Variants in OR8K3 observed in about 807,000 individuals in gnomAD.
OR8K3 encodes olfactory receptor family 8 subfamily K member 3 (gene/pseudogene).
For synonymous variants in OR8K3, 167 were observed against 138.8 expected, an observed-to-expected ratio of 1.20 and a Z score of -1.43; for missense variants, 448 against 367.4, an observed-to-expected ratio of 1.22 and a Z score of -1.79.
chr11:56,318,526 T>C lies in OR8K3; in HGVS notation c.220T>C (p.Ser74Pro), dbSNP rs1854476429. The C allele has an allele frequency of 1.9e-6, 3 of 1,613,830 alleles. No homozygotes were observed. The African/African-American group carries it at 4.0e-5, about 22-fold the overall frequency. The change falls in exon 3 of 3, where the codon TCA becomes CCA. Residue 74 changes from serine to proline, a missense_variant. Physicochemically the swap from Ser to Pro is moderately conservative, Grantham distance 74. Transcript: ENST00000641662. ...RHLAFMDLGYSTTVGPKMLVN... is the reference protein window; with the variant it reads ...RHLAFMDLGYPTTVGPKMLVN... ...TCTGGCTTTCATGGATCTTGGTTAT[T>C]CAACAACTGTGGGACCCAAAATGTT...
intron 2 of OR8K3, among the ~76,000 whole-genome samples, chr11:56,317,551 A>G (rs1217055853): frequency 6.6e-6 from 1 of 152,108 alleles, no homozygotes; most frequent in African/African-American, 2.4e-5. Context: ...TCTCAGCTGT[A>G]CCACCCGAAG....
chr11:56,318,691 C>A lies in OR8K3; in HGVS notation c.385C>A (p.Pro129Thr). Residue 129 changes from proline (P) to threonine (T), a missense_variant, in exon 3 of 3, where the codon CCT becomes ACT. Pro to Thr is a conservative substitution (Grantham distance 38). Transcript: ENST00000641662. ...CGACCTCTATGTGGCCATCTGTAAC[C>A]CTCTGCTATACACAGTAATCATGTC... ...SYDLYVAICN[P>T]LLYTVIMSRR... The A allele has an allele frequency of 1.2e-6, 2 of 1,613,896 alleles. No homozygotes were observed. Among genetic ancestry groups the A allele is most frequent in the Non-Finnish European group, 1.7e-6 (2 of 1,179,866 alleles).
intron 2 of OR8K3, among the ~76,000 whole-genome samples, chr11:56,317,948 G>T (rs1854466844): frequency 6.6e-6 from 1 of 152,026 alleles, no homozygotes; most frequent in South Asian, 2.1e-4. Context: ...GTTGGGTATT[G>T]CGATGGGCTG....
At chr11:56,318,181 C>T in intron 2 of OR8K3, 103 bp from the exon 3 acceptor site, 2 of 587,032 alleles carry the variant, frequency 3.4e-6, no homozygotes, top group East Asian at 5.5e-5. Context: ...TCAAATGTCG[C>T]AAATTGTGAA....
At chr11:56,316,369 T>C (rs1026925427) in intron 2 of OR8K3, among the ~76,000 whole-genome samples, 1 of 151,944 alleles carries the variant, frequency 6.6e-6, no homozygotes, top group African/African-American at 2.4e-5. Flanking sequence ...GCTGTCACTA[T>C]AATTTTCATT....
chr11:56,319,024 T>C lies in OR8K3; in HGVS notation c.718T>C (p.Cys240Arg). 1 of 1,614,178 alleles carries C rather than the reference T, an allele frequency of 6.2e-7. No individual in the cohort carries two copies. The highest frequency in any genetic ancestry group is 8.5e-7 in the Non-Finnish European group (1 of 1,180,004). ...SAGRQKAFSTCGAHLTVVIVF... is the reference protein window; with the variant it reads ...SAGRQKAFSTRGAHLTVVIVF... ...TGGCAGACAAAAGGCTTTTTCTACC[T>C]GTGGAGCCCACCTGACAGTGGTCAT... is the stretch of plus-strand genomic sequence containing the variant. The change falls in exon 3 of 3, where the codon TGT (cysteine) becomes CGT (arginine). Residue 240 changes from cysteine (C) to arginine (R), a missense_variant. Physicochemically the swap from Cys to Arg is radical, Grantham distance 180 (BLOSUM62 -3). Coordinates refer to ENST00000641662, the MANE Select transcript of OR8K3 (RefSeq NM_001005202.2).
rs905125363 is a variant in OR8K3, at chr11:56,318,549, G to A, written c.243G>A (p.Met81Ile). 3.7e-6 allele frequency: 6 copies of A among 1,613,032 alleles called. No homozygotes were observed. The highest frequency in any genetic ancestry group is 1.1e-5 in the South Asian group (1 of 90,984). The change falls in exon 3 of 3, where the codon ATG (methionine) becomes ATA (isoleucine). Residue 81 changes from methionine to isoleucine, a missense_variant. Physicochemically the swap from Met to Ile is conservative, Grantham distance 10. Transcript: ENST00000641662. ...LGYSTTVGPK[M>I]LVNFVVDKNI... ...ATTCAACAACTGTGGGACCCAAAAT[G>A]TTAGTAAATTTTGTTGTGGATAAGA...
chr11:56,318,258 A>G, intron 2 of OR8K3, 26 bp from the exon 3 acceptor site: 5 of 1,336,506 alleles, frequency 3.7e-6, no homozygotes, highest in Non-Finnish European at 5.3e-6. Context: ...GAGGAAAGCT[A>G]TTGACAATGC....
In OR8K3 at chr11:56,318,909, C is replaced by T. The variant is rs759558721; in HGVS notation, c.603C>T (p.Ile201=). 4.3e-6 allele frequency: 7 copies of T among 1,613,902 alleles called. No homozygotes were observed. In the South Asian group the frequency reaches 6.6e-5, roughly 15 times the overall value. Residue 201 remains isoleucine (I), a synonymous_variant, in exon 3 of 3, where the codon ATC becomes ATT. Transcript: ENST00000641662. ...NTHEIELIIL[I]FAAIDLISSL... Reference sequence around the variant, plus strand: ...ATGAAATTGAATTGATAATTCTGATCTTTGCAGCTATTGATTTGATTTCAT... The same window carrying T: ...ATGAAATTGAATTGATAATTCTGATTTTTGCAGCTATTGATTTGATTTCAT...
In OR8K3 at chr11:56,319,092, G is replaced by C. The variant is rs768064274; in HGVS notation, c.786G>C (p.Lys262Asn). 1.9e-6 allele frequency: 3 copies of C among 1,613,944 alleles called. No individual in the cohort carries two copies. Residue 262 changes from lysine (K) to asparagine (N), a missense_variant, in exon 3 of 3, where the codon AAG becomes AAC. Lys to Asn is a moderately conservative substitution (Grantham distance 94). Transcript: ENST00000641662. The stretch of plus-strand genomic sequence containing the variant: ...TGCTTTTCATGTACGTGCAGCCCAA[G>C]TCCAGTCATTCCTTTGACACTGATA... ...GTLLFMYVQP[K>N]SSHSFDTDKV...
Position 56,319,002 on chromosome 11 carries a change from C to T in OR8K3, c.696C>T (p.Gly232=), listed in dbSNP as rs775040240. 1.2e-6 allele frequency: 2 copies of T among 1,614,084 alleles called. No homozygotes were observed. The highest frequency in any genetic ancestry group is 1.1e-5 in the South Asian group (1 of 91,078). The change falls in exon 3 of 3, where the codon GGC becomes GGT. Residue 232 remains glycine (G), a synonymous_variant. Transcript: ENST00000641662. ...CCATTCTCAGGATGAATTCTGCTGG[C>T]AGACAAAAGGCTTTTTCTACCTGTG... The part of the protein sequence containing the change: ...LVAILRMNSA[G]RQKAFSTCGA...
intron 2 of OR8K3, among the ~76,000 whole-genome samples, chr11:56,316,716 A>G (rs970750261): frequency 3.2e-4 from 49 of 151,856 alleles, no homozygotes; most frequent in African/African-American, 1.2e-3. Context: ...CATTTCTTTA[A>G]TCTACAGTAT....
Position 56,320,062 on chromosome 11 carries a change from T to G in OR8K3, c.*817T>G, listed in dbSNP as rs1552142. The G allele has an allele frequency of 0.11, 16,005 of 152,204 alleles. 1,004 individuals are homozygous for G. Among genetic ancestry groups the G allele is most frequent in the East Asian group, 0.14 (730 of 5,174 alleles). 9.4% of individuals were successfully genotyped at this position (152,204 alleles called of 1,614,324 possible). A position where few individuals can be genotyped will look rare whatever the true frequency, so the allele number is the denominator to read the frequency against. The stretch of plus-strand genomic sequence containing the variant: ...TTTTCACAGATTTTCCCGTTATTTA[T>G]CTAAAAAAAAGTAATAAACTGTGGT... On this transcript the variant is annotated 3_prime_UTR_variant, in exon 3 of 3. Coordinates refer to ENST00000641662, the MANE Select transcript of OR8K3 (RefSeq NM_001005202.2).
In OR8K3 at chr11:56,319,283, G is replaced by A. The variant is rs115508629; in HGVS notation, c.*38G>A. On this transcript the variant is annotated 3_prime_UTR_variant, in exon 3 of 3. Coordinates refer to ENST00000641662, the MANE Select transcript of OR8K3 (RefSeq NM_001005202.2). ...ATGATTCCTATAAATTAGGTTATGGGCATGAATTTTTGCTCTGCATACTTC... is the reference window on the plus strand; with the variant it reads ...ATGATTCCTATAAATTAGGTTATGGACATGAATTTTTGCTCTGCATACTTC... 1,068 of 1,228,342 alleles carry A rather than the reference G, an allele frequency of 8.7e-4. 4 individuals are homozygous for A. The African/African-American group carries it at 0.014, about 16-fold the overall frequency. 76.1% of individuals were successfully genotyped at this position (1,228,342 alleles called of 1,614,324 possible).
Position 56,316,555 on chromosome 11 carries a change from T to G in OR8K3, c.-24+498T>G, listed in dbSNP as rs997696087. Reference sequence around the variant, plus strand: ...TATATTTATTCGATTATACATATGTTAATTTGTATTATGTGCTATACCATA... The same window carrying G: ...TATATTTATTCGATTATACATATGTGAATTTGTATTATGTGCTATACCATA... On this transcript the variant is annotated intron_variant, in intron 2 of 2. Transcript: ENST00000641662. Among the ~76,000 whole-genome samples, 3 of 152,166 alleles carry G rather than the reference T, an allele frequency of 2.0e-5. No individual in the cohort carries two copies. The South Asian group carries it at 6.2e-4, about 32-fold the overall frequency.
rs767601338 is a variant in OR8K3 at position 56,318,996 on chromosome 11, T to G, written c.690T>G (p.Ser230=). 6.2e-7 allele frequency: 1 copy of G among 1,614,204 alleles called. No individual in the cohort carries two copies. Reference sequence around the variant, plus strand: ...TTGTAGCCATTCTCAGGATGAATTCTGCTGGCAGACAAAAGGCTTTTTCTA... The same window carrying G: ...TTGTAGCCATTCTCAGGATGAATTCGGCTGGCAGACAAAAGGCTTTTTCTA... ...LILVAILRMN[S]AGRQKAFSTC... The change falls in exon 3 of 3, where the codon TCT becomes TCG. Residue 230 remains serine, a synonymous_variant. Coordinates refer to ENST00000641662, the MANE Select transcript of OR8K3 (RefSeq NM_001005202.2).
In OR8K3 at chr11:56,319,432, TGGATA is replaced by T. The variant is rs1171836584; in HGVS notation, c.*189_*193del. 5 of 569,676 alleles carry T rather than the reference TGGATA, an allele frequency of 8.8e-6. No homozygotes were observed. The highest frequency in any genetic ancestry group is 1.6e-5 in the Non-Finnish European group (5 of 321,372). The allele number at this position is 569,676 out of a possible 1,614,324, so 35.3% of individuals were successfully genotyped here. ...TAGTAGAAATCTTTGCCTTCCTTGA[TGGATA>T]GATGAATTGTATTCACAATAAGTCC... On this transcript the variant is annotated 3_prime_UTR_variant, in exon 3 of 3. Transcript: ENST00000641662.
At chr11:56,315,558 A>G (rs1266089784) in intron 1 of OR8K3, among the ~76,000 whole-genome samples, 5 of 152,230 alleles carry the variant, frequency 3.3e-5, no homozygotes, top group Middle Eastern at 3.4e-3. Flanking sequence ...AACTGCAACT[A>G]TTTGGTCAGT....
chr11:56,318,261 G>T (rs1369938064), intron 2 of OR8K3, 23 bp from the exon 3 acceptor site: 2 of 1,371,096 alleles, frequency 1.5e-6, no homozygotes, highest in Admixed American at 1.8e-5. Context: ...GAAAGCTATT[G>T]ACAATGCCGA....
Sources: gnomAD v4.1 joint callset for allele counts (sites outside exome capture counted in the v4.1 genomes callset) on GRCh38, gnomAD v4.1.1 for gene constraint, MANE v1.5 for transcripts, NCBI Gene and HGNC (gene_info 2026-07-23, HGNC 2026-07-21) for gene names.